Variants in SCN11A observed in about 807,000 individuals in gnomAD.
SCN11A encodes the protein sodium channel protein type 11 subunit alpha.
SCN11A carries 122 observed loss-of-function variants against 162.2 expected under a neutral mutation model. The ratio of observed to expected loss-of-function variants is 0.75; its 90% confidence interval spans 0.65 to 0.87. The LOEUF (loss-of-function observed/expected upper bound fraction) is 0.87. Ranked by LOEUF, SCN11A falls within the 40% of genes least tolerant of loss-of-function variation. SCN11A has a pLI of 0.00. For synonymous variants in SCN11A, 758 were observed against 751.5 expected, an observed-to-expected ratio of 1.01 and a Z score of -0.14; for missense variants, 2,015 against 2,181.6, an observed-to-expected ratio of 0.92 and a Z score of 1.52.
At chr3:38,973,669 A>G (rs2066830916) in intron 2 of SCN11A, among the ~76,000 whole-genome samples, 1 of 152,216 alleles carries the variant, frequency 6.6e-6, no homozygotes. Flanking sequence ...CTAAAGATAA[A>G]TAGAAAACAG....
intron 2 of SCN11A, among the ~76,000 whole-genome samples, chr3:39,024,500 G>A (rs745611489): frequency 6.6e-6 from 1 of 152,166 alleles, no homozygotes; most frequent in Non-Finnish European, 1.5e-5. Flanking sequence ...AGCCTTAAGA[G>A]AAAAAGTTTC....
intron 17 of SCN11A, among the ~76,000 whole-genome samples, chr3:38,899,170 C>G (rs2065654452): frequency 6.6e-6 from 1 of 152,032 alleles, no homozygotes. Flanking sequence ...TTTCTAGTTC[C>G]CCTTCTCAGA....
intron 1 of SCN11A, among the ~76,000 whole-genome samples, chr3:39,049,239 T>C (rs763872736): frequency 6.6e-5 from 10 of 152,226 alleles, no homozygotes; most frequent in Non-Finnish European, 1.3e-4. Flanking sequence ...AGCTAAGTCT[T>C]CAATATATCT....
intron 22 of SCN11A, among the ~76,000 whole-genome samples, chr3:38,881,543 G>A (rs1347548669): frequency 6.6e-6 from 1 of 152,106 alleles, no homozygotes; most frequent in African/African-American, 2.4e-5. Context: ...TTCTGACACA[G>A]GAAGCTCTTA....
chr3:38,931,806 C>T (rs950950179), intron 7 of SCN11A, among the ~76,000 whole-genome samples: 3 of 152,174 alleles, frequency 2.0e-5, no homozygotes, highest in Non-Finnish European at 4.4e-5. Context: ...TTTGCCTCTG[C>T]GCCCAAGTCC....
chr3:38,958,339 C>T (rs980379980), intron 3 of SCN11A, among the ~76,000 whole-genome samples: 2 of 152,200 alleles, frequency 1.3e-5, no homozygotes, highest in African/African-American at 4.8e-5. Flanking sequence ...TGTGAGGTGC[C>T]CATCTACAGG....
chr3:38,885,286 A>G lies in SCN11A; in HGVS notation c.3064+2T>C. 1 of 1,564,990 alleles carries G rather than the reference A, an allele frequency of 6.4e-7. No homozygotes were observed. Among genetic ancestry groups the G allele is most frequent in the Non-Finnish European group, 8.8e-7 (1 of 1,135,222 alleles). ...ACTGGATGCAGAAATACTGCCACTT[A>G]CCTTTGGGCAAACATCTCTCTGGTT... On this transcript the variant is annotated splice_donor_variant, in intron 21 of 29. Coordinates refer to ENST00000302328, the MANE Select transcript of SCN11A (RefSeq NM_001349253.2). LOFTEE classifies it high-confidence loss of function.
intron 2 of SCN11A, among the ~76,000 whole-genome samples, chr3:39,016,604 T>G (rs2031295966): frequency 1.3e-5 from 2 of 152,142 alleles, no homozygotes; most frequent in Non-Finnish European, 2.9e-5. Flanking sequence ...TTACTTAACT[T>G]TATTTATTTA....
intron 2 of SCN11A, among the ~76,000 whole-genome samples, chr3:39,025,778 C>T (rs2031573232): frequency 2.0e-5 from 3 of 152,196 alleles, no homozygotes; most frequent in Admixed American, 2.0e-4. Flanking sequence ...AACCTCCTAA[C>T]TCATCCTGTG....
chr3:39,027,696 C>G (rs1297017155), intron 2 of SCN11A, among the ~76,000 whole-genome samples: 1 of 152,230 alleles, frequency 6.6e-6, no homozygotes, highest in East Asian at 1.9e-4. Context: ...ATTTCAGATA[C>G]TACCAAGGTT....
At chr3:38,892,667 A>G (rs2065519587) in intron 19 of SCN11A, among the ~76,000 whole-genome samples, 1 of 152,112 alleles carries the variant, frequency 6.6e-6, no homozygotes, top group Non-Finnish European at 1.5e-5. Context: ...CAATAATAAA[A>G]AAAAGTTGTT....
At chr3:38,978,107 C>T (rs1036933617) in intron 2 of SCN11A, among the ~76,000 whole-genome samples, 1 of 152,160 alleles carries the variant, frequency 6.6e-6, no homozygotes, top group Non-Finnish European at 1.5e-5. Flanking sequence ...GACAAGAAAA[C>T]TGATGCTCAA....
chr3:39,040,060 C>G (rs1298963620), intron 1 of SCN11A, among the ~76,000 whole-genome samples: 2 of 152,248 alleles, frequency 1.3e-5, no homozygotes, highest in Non-Finnish European at 2.9e-5. Flanking sequence ...GTGCCCACCA[C>G]AGCTGGCAAT....
chr3:39,001,926 A>C (rs1441581910), intron 2 of SCN11A, among the ~76,000 whole-genome samples: 1 of 152,042 alleles, frequency 6.6e-6, no homozygotes, highest in African/African-American at 2.4e-5. Context: ...AGTCCCAGCT[A>C]CTCAGGAGGC....
At position 38,847,302 on chromosome 3, in the gene SCN11A, T is replaced by C; in HGVS notation, c.4768A>G (p.Ile1590Val). The stretch of plus-strand genomic sequence containing the variant: ...ATGTTGACAACAATGAGAAAGGAGA[T>C]GATAATGTAACTGACAAAGTAGGAT... ...ATSYFVSYII[I>V]SFLIVVNMYI... The change falls in exon 30 of 30, where the codon ATC (isoleucine) becomes GTC (valine). Residue 1590 changes from isoleucine to valine, a missense_variant. Physicochemically the swap from Ile to Val is conservative, Grantham distance 29. Transcript: ENST00000302328. The C allele has an allele frequency of 6.2e-7, 1 of 1,614,178 alleles. No homozygotes were observed. The highest frequency in any genetic ancestry group is 1.1e-5 in the South Asian group (1 of 91,078).
rs549445454 is a variant in SCN11A at position 38,887,118 on chromosome 3, C to G, written c.2836-880G>C. Among the ~76,000 whole-genome samples the G allele has an allele frequency of 1.1e-4, 17 of 152,198 alleles. No homozygotes were observed. The East Asian group carries it at 2.9e-3, about 26-fold the overall frequency. On this transcript the variant is annotated intron_variant, in intron 19 of 29. Transcript: ENST00000302328. ...ATGCTTTTTAAGTACACGCCATGTT[C>G]TTTTATGTGGTCATATGTTTTCTTA...
intron 28 of SCN11A, among the ~76,000 whole-genome samples, chr3:38,859,639 A>G (rs1480512608): frequency 6.6e-6 from 1 of 152,188 alleles, no homozygotes. Flanking sequence ...TTGCAAAATT[A>G]TAACTGAGGA....
chr3:38,912,506 T>C (rs1335759408), intron 11 of SCN11A, among the ~76,000 whole-genome samples: 1 of 152,136 alleles, frequency 6.6e-6, no homozygotes, highest in Non-Finnish European at 1.5e-5. Context: ...GGTTCTGGCG[T>C]ACATGTGCAG....
At chr3:38,922,303 T>C (rs985642062) in intron 9 of SCN11A, among the ~76,000 whole-genome samples, 13 of 152,178 alleles carry the variant, frequency 8.5e-5, no homozygotes, top group Admixed American at 7.2e-4. Context: ...ACTTACTATA[T>C]CACCAATTGA....
Sources: gnomAD v4.1 joint callset for allele counts (sites outside exome capture counted in the v4.1 genomes callset) on GRCh38, gnomAD v4.1.1 for gene constraint, MANE v1.5 for transcripts, NCBI Gene and HGNC (gene_info 2026-07-23, HGNC 2026-07-21) for gene names.